The following ABCA3 variants were observed in gnomAD, a reference collection of about 807,000 sequenced individuals.
The protein encoded by ABCA3 is phospholipid-transporting ATPase ABCA3.
In ABCA3, 88 loss-of-function variants were observed where a neutral mutation model predicts 172.8. The ratio of observed to expected loss-of-function variants is 0.51; its 90% CI spans 0.43 to 0.61. The LOEUF (loss-of-function observed/expected upper bound fraction) is 0.61, where lower values mean the gene tolerates loss of function less well. Among genes scored for constraint, ABCA3 ranks in the 20% least tolerant of loss-of-function variants. The pLI is 0.00. For synonymous variants in ABCA3, 1,066 were observed against 983.8 expected, an observed-to-expected ratio of 1.08 and a Z score of -1.56; for missense variants, 2,164 against 2,301.0, an observed-to-expected ratio of 0.94 and a Z score of 1.22.
At chr16:2,323,833 G>C (rs1278926515) in intron 6 of ABCA3, 145 bp from the exon 7 acceptor site, 4 of 986,134 alleles carry the variant, frequency 4.1e-6, no homozygotes, top group African/African-American at 3.2e-5. Flanking sequence ...ACAGGCCCCG[G>C]AATGTCACAC....
In ABCA3 at chr16:2,297,819, C is replaced by G; in HGVS notation, c.1999G>C (p.Gly667Arg). ...KWNSRSRFLS[G>R]GMRRKLSIGI... ...ATGGAGAGCTTGCGCCTCATGCCCC[C>G]GCTCAGGAAGCGGCTCCGTGAGTTC... Residue 667 changes from glycine (G) to arginine (R), a missense_variant, in exon 16 of 33, where the codon GGG becomes CGG. Transcript: ENST00000301732. The surrounding 1 kb of genome is among the most constrained non-coding windows in gnomAD (Gnocchi z 5.6). 1.2e-6 allele frequency: 2 copies of G among 1,613,692 alleles called. No individual in the cohort carries two copies. The highest frequency in any genetic ancestry group is 8.5e-7 in the Non-Finnish European group (1 of 1,180,040).
intron 7 of ABCA3, 151 bp downstream of exon 7, chr16:2,323,372 A>C: frequency 4.2e-6 from 4 of 950,598 alleles, no homozygotes. Context: ...TTATTGCGGC[A>C]CTATTCACAA....
intron 19 of ABCA3, among the ~76,000 whole-genome samples, chr16:2,291,413 G>A (rs897260829): frequency 6.6e-6 from 1 of 151,940 alleles, no homozygotes; most frequent in South Asian, 2.1e-4. Context: ...GCCTCCCAAA[G>A]TGCTGGGATG....
Position 2,277,749 on chromosome 16 carries a change from G to A in ABCA3, c.4910-79C>T, listed in dbSNP as rs758542803. On this transcript the variant is annotated intron_variant, in intron 31 of 32. Coordinates refer to ENST00000301732, the MANE Select transcript of ABCA3 (RefSeq NM_001089.3). This position sits in a 1 kb window ranked among gnomAD's most constrained non-coding sequence, Gnocchi z 5.3. Reference sequence around the variant, plus strand: ...GGGTGCCTGGGTGCTCAGCACTGGAGTCCTCGTCCCAGGGATTGGGGAGAT... The same window carrying A: ...GGGTGCCTGGGTGCTCAGCACTGGAATCCTCGTCCCAGGGATTGGGGAGAT... 2.5e-6 allele frequency: 4 copies of A among 1,597,926 alleles called. No individual in the cohort carries two copies. The highest frequency in any genetic ancestry group is 2.6e-6 in the Non-Finnish European group (3 of 1,170,202).
intron 8 of ABCA3, among the ~76,000 whole-genome samples, chr16:2,318,248 G>C (rs949388806): frequency 6.6e-6 from 1 of 152,138 alleles, no homozygotes; most frequent in Non-Finnish European, 1.5e-5. Flanking sequence ...TCTGAAAGGA[G>C]GGGCCCAGAA....
In ABCA3 at chr16:2,281,775, G is replaced by A. The variant is rs1467166215; in HGVS notation, c.4036-266C>T. Among the ~76,000 whole-genome samples, 3 of 151,964 alleles carry A rather than the reference G, an allele frequency of 2.0e-5. No individual in the cohort carries two copies. The highest frequency in any genetic ancestry group is 6.6e-5 in the Admixed American group (1 of 15,246). On this transcript the variant is annotated intron_variant, in intron 26 of 32. Coordinates refer to ENST00000301732, the MANE Select transcript of ABCA3 (RefSeq NM_001089.3). The surrounding 1 kb of genome is among the most constrained non-coding windows in gnomAD (Gnocchi z 4.7). ...ACTCATGGAGAAAAATCATAAATCT[G>A]CTGGGGAATATAAAATAAGATTTTT...
At chr16:2,309,618 TTTTC>T (rs535246597) in intron 10 of ABCA3, among the ~76,000 whole-genome samples, 49 of 152,270 alleles carry the variant, frequency 3.2e-4, no homozygotes, top group Non-Finnish European at 6.0e-4. Context: ...TTTGGTTTTC[TTTTC>T]TTTGTTTCCT....
chr16:2,292,375 G>A (rs914674498), intron 18 of ABCA3, 137 bp from the exon 19 acceptor site: 21 of 712,038 alleles, frequency 2.9e-5, no homozygotes, highest in South Asian at 5.9e-5. Flanking sequence ...CAAGGCGGGC[G>A]GATCACCTGA....
At position 2,323,575 on chromosome 16, in the gene ABCA3, A is replaced by G. The variant is rs775544443; in HGVS notation, c.561T>C (p.Leu187=). ...EGWHTTSLFP[L]FPNPGPREPT... is the part of the protein sequence containing the mutation. ...GTTCCCTTGGTCCTGGGTTTGGGAA[A>G]AGCGGGAAAAGGGAAGTAGTGTGCC... The change falls in exon 7 of 33, where the codon CTT becomes CTC. Residue 187 remains leucine, a synonymous_variant. Transcript: ENST00000301732. 6.2e-7 allele frequency: 1 copy of G among 1,614,206 alleles called. No homozygotes were observed. Among genetic ancestry groups the G allele is most frequent in the Non-Finnish European group, 8.5e-7 (1 of 1,180,032 alleles).
intron 5 of ABCA3, among the ~76,000 whole-genome samples, chr16:2,325,323 C>A (rs2093732560): frequency 6.6e-6 from 1 of 152,218 alleles, no homozygotes; most frequent in Non-Finnish European, 1.5e-5. Flanking sequence ...CCATCAGATG[C>A]AGTTCCAGGG....
rs1567335437 is a variant in ABCA3 at position 2,278,000 on chromosome 16, G to T, written c.4788C>A (p.Gly1596=). ...ACTTGCTCTTGAGGTGCTGGGGGCTGCCCAGGCACTTGAACTGCCCCTGCA... is the reference window on the plus strand; with the variant it reads ...ACTTGCTCTTGAGGTGCTGGGGGCTTCCCAGGCACTTGAACTGCCCCTGCA... ...IMVQGQFKCL[G]SPQHLKSKFG... is the part of the protein sequence containing the mutation. Residue 1596 remains glycine (G), a synonymous_variant, in exon 31 of 33, where the codon GGC becomes GGA. Coordinates refer to ENST00000301732, the MANE Select transcript of ABCA3 (RefSeq NM_001089.3). The surrounding 1 kb of genome is among the most constrained non-coding windows in gnomAD (Gnocchi z 5.3). 6 of 1,613,264 alleles carry T rather than the reference G, an allele frequency of 3.7e-6. No homozygotes were observed. Among genetic ancestry groups the T allele is most frequent in the Non-Finnish European group, 4.2e-6 (5 of 1,180,010 alleles).
In ABCA3 at chr16:2,283,100, A is replaced by T. The variant is rs929455599; in HGVS notation, c.4035+86T>A. On this transcript the variant is annotated intron_variant, in intron 26 of 32. Coordinates refer to ENST00000301732, the MANE Select transcript of ABCA3 (RefSeq NM_001089.3). The surrounding 1 kb of genome is among the most constrained non-coding windows in gnomAD (Gnocchi z 5.4). ...TGCAGGAGCTGCCTGGTGGAGAAGG[A>T]GGTGGAGCTGCCCCAGGTTGTGCTG... 1.7e-5 allele frequency: 24 copies of T among 1,410,794 alleles called. No homozygotes were observed. The highest frequency in any genetic ancestry group is 2.2e-5 in the Non-Finnish European group (22 of 1,021,618). The allele number at this position is 1,410,794 out of a possible 1,614,324, so 87.4% of individuals were successfully genotyped here.
rs374901788 is a variant in ABCA3 at position 2,284,241 on chromosome 16, G to A, written c.3862+38C>T. On this transcript the variant is annotated intron_variant, in intron 25 of 32. Transcript: ENST00000301732. The surrounding 1 kb of genome is among the most constrained non-coding windows in gnomAD (Gnocchi z 5.9). ...TCTGCAGTGACCACGTCCTGAGGAC[G>A]CAGGGGTGCTGCCCGGGGTCGGGGC... 15 of 1,600,530 alleles carry A rather than the reference G, an allele frequency of 9.4e-6. No homozygotes were observed. The African/African-American group carries it at 1.7e-4, about 19-fold the overall frequency.
chr16:2,291,557 G>A (rs114255240), intron 19 of ABCA3, among the ~76,000 whole-genome samples: 45 of 152,320 alleles, frequency 3.0e-4, no homozygotes, highest in African/African-American at 1.1e-3. Context: ...CGCCTCTGAC[G>A]CCGTGTGCCA....
intron 18 of ABCA3, 78 bp downstream of exon 18, chr16:2,295,512 C>T (rs1868731741): frequency 3.1e-6 from 5 of 1,595,252 alleles, no homozygotes; most frequent in Middle Eastern, 3.4e-4. Flanking sequence ...GCAGGTGCCT[C>T]TGAGCACAAA....
intron 1 of ABCA3, among the ~76,000 whole-genome samples, chr16:2,339,496 T>C (rs1443195474): frequency 1.3e-5 from 2 of 152,212 alleles, no homozygotes; most frequent in Non-Finnish European, 1.5e-5. Context: ...ACATTTCTCA[T>C]GAGGCAAACT....
intron 14 of ABCA3, 101 bp downstream of exon 14, chr16:2,299,302 A>G: frequency 6.5e-7 from 1 of 1,532,790 alleles, no homozygotes; most frequent in Non-Finnish European, 8.9e-7. Flanking sequence ...TGGTTGGGGA[A>G]GGCCCGAAAG....
intron 1 of ABCA3, among the ~76,000 whole-genome samples, chr16:2,337,315 T>A (rs77259892): frequency 2.0e-5 from 3 of 151,814 alleles, no homozygotes; most frequent in African/African-American, 7.3e-5. Context: ...TATATTGGGC[T>A]GCATGTTTAC....
intron 1 of ABCA3, among the ~76,000 whole-genome samples, chr16:2,336,752 T>C (rs549748844): frequency 7.9e-5 from 12 of 151,978 alleles, no homozygotes; most frequent in Non-Finnish European, 1.6e-4. Flanking sequence ...TAAACAGAAC[T>C]TACAATTGAT....
Sources: gnomAD v4.1 joint callset for allele counts (sites outside exome capture counted in the v4.1 genomes callset) on GRCh38, gnomAD v4.1.1 for gene constraint, Gnocchi (gnomAD v3.1) non-coding constraint, MANE v1.5 for transcripts, NCBI Gene and HGNC (gene_info 2026-07-23, HGNC 2026-07-21) for gene names.